The following WASL variants were observed in gnomAD, a reference collection of about 807,000 sequenced individuals.
WASL encodes actin nucleation-promoting factor WASL.
In WASL, 20 loss-of-function variants were observed where a neutral mutation model predicts 55.5. That is an observed-to-expected ratio of 0.36 (90% CI 0.25 to 0.52). WASL has a LOEUF of 0.52. Among genes scored for constraint, WASL ranks in the 20% least tolerant of loss-of-function variants. The probability of loss-of-function intolerance (pLI) is 0.92; values close to 1 mark genes in which losing one functional copy is unlikely to be tolerated. For missense variants in WASL, 504 were observed against 622.5 expected (o/e 0.81, Z 2.03); for synonymous variants, 249 against 217.6 (o/e 1.14, Z -1.27).
intron 1 of WASL, among the ~76,000 whole-genome samples, chr7:123,727,260 A>G (rs140444455): frequency 5.3e-4 from 80 of 152,134 alleles, no homozygotes; most frequent in African/African-American, 1.7e-3. Context: ...CACTTGGAGA[A>G]CTATCTGAAA....
rs367766232 is a variant in WASL at position 123,692,605 on chromosome 7, T to G, written c.1089A>C (p.Pro363=). 1 of 1,602,850 alleles carries G rather than the reference T, an allele frequency of 6.2e-7. No individual in the cohort carries two copies. Among genetic ancestry groups the G allele is most frequent in the Non-Finnish European group, 8.5e-7 (1 of 1,174,368 alleles). Residue 363 remains proline, a synonymous_variant, in exon 9 of 11, where the codon CCA becomes CCC. Coordinates refer to ENST00000223023, the MANE Select transcript of WASL (RefSeq NM_003941.4). ...SAPSGPPPPP[P]SVLGVGPVAP... ...CCACTGGCCCTACCCCCAACACAGA[T>G]GGAGGTGGTGGTGGAGGCCCTGAAG...
intron 5 of WASL, among the ~76,000 whole-genome samples, chr7:123,702,584 A>C (rs1203561844): frequency 1.3e-5 from 2 of 152,214 alleles, no homozygotes; most frequent in Non-Finnish European, 2.9e-5. Flanking sequence ...GGATGGGTCC[A>C]TCTGTTCTGA....
chr7:123,739,876 ATGTGTGTGTGTGTGTGTG>A (rs745649691), intron 1 of WASL, among the ~76,000 whole-genome samples: 6 of 115,530 alleles, frequency 5.2e-5, no homozygotes, highest in African/African-American at 1.6e-4. Context: ...ACATTTATAT[ATGTGTGTGTGTGTGTGTG>A]TGTGTGTGTG....
chr7:123,734,614 A>AT (rs1804196033), intron 1 of WASL, among the ~76,000 whole-genome samples: 2 of 150,388 alleles, frequency 1.3e-5, no homozygotes, highest in Admixed American at 1.3e-4. Flanking sequence ...AAAAAAAAAA[A>AT]TCAGTGAGTG....
chr7:123,707,378 A>G (rs1417936699), intron 2 of WASL, among the ~76,000 whole-genome samples: 1 of 152,212 alleles, frequency 6.6e-6, no homozygotes, highest in South Asian at 2.1e-4. Context: ...ATATACTAGT[A>G]TAAGTAGTAT....
Position 123,706,723 on chromosome 7 carries a change from A to G in WASL, c.339+17T>C. On this transcript the variant is annotated intron_variant, in intron 3 of 10. Coordinates refer to ENST00000223023, the MANE Select transcript of WASL (RefSeq NM_003941.4). ...ATGAAAAAAGTAAAGATGGCAATAA[A>G]GAAAAATATGACTTACATCTCCAGC... 1 of 1,527,872 alleles carries G rather than the reference A, an allele frequency of 6.5e-7. No homozygotes were observed. Among genetic ancestry groups the G allele is most frequent in the South Asian group, 1.2e-5 (1 of 80,872 alleles). 94.6% of individuals were successfully genotyped at this position (1,527,872 alleles called of 1,614,324 possible).
At chr7:123,733,311 G>T (rs927076711) in intron 1 of WASL, among the ~76,000 whole-genome samples, 4 of 152,122 alleles carry the variant, frequency 2.6e-5, no homozygotes, top group African/African-American at 9.7e-5. Flanking sequence ...TATCAAGCAA[G>T]GTTGTAGCAT....
At chr7:123,734,485 T>C (rs1010716209) in intron 1 of WASL, among the ~76,000 whole-genome samples, 3 of 151,084 alleles carry the variant, frequency 2.0e-5, no homozygotes, top group Non-Finnish European at 2.9e-5. Context: ...AACTAAATGC[T>C]GGTGTGAATG....
At chr7:123,694,552 T>G (rs878898136) in intron 8 of WASL, among the ~76,000 whole-genome samples, 163 bp downstream of exon 8, 3 of 152,208 alleles carry the variant, frequency 2.0e-5, no homozygotes, top group Non-Finnish European at 2.9e-5. Context: ...TTAGTTATAA[T>G]GAAATAATGT....
rs1803213394 is a variant in WASL at position 123,682,559 on chromosome 7, T to C, written c.*1960A>G. ...TTATACCAAAGTCAGCTGGAAAATCTAGAATTTCTTGGCCACAAGTTAAGA... is the reference window on the plus strand; with the variant it reads ...TTATACCAAAGTCAGCTGGAAAATCCAGAATTTCTTGGCCACAAGTTAAGA... On this transcript the variant is annotated 3_prime_UTR_variant, in exon 11 of 11. Coordinates refer to ENST00000223023, the MANE Select transcript of WASL (RefSeq NM_003941.4). The C allele has an allele frequency of 6.6e-6, 1 of 152,170 alleles. No homozygotes were observed. The highest frequency in any genetic ancestry group is 6.6e-5 in the Admixed American group (1 of 15,264). The allele number at this position is 152,170 out of a possible 1,614,324, so 9.4% of individuals were successfully genotyped here. A position where few individuals can be genotyped will look rare whatever the true frequency, so the allele number is the denominator to read the frequency against.
intron 2 of WASL, among the ~76,000 whole-genome samples, chr7:123,708,661 T>C (rs1423197690): frequency 1.3e-5 from 2 of 152,150 alleles, no homozygotes; most frequent in African/African-American, 4.8e-5. Flanking sequence ...TTTATAGATA[T>C]TGAAATGTTT....
In WASL at chr7:123,748,899, C is replaced by A; in HGVS notation, c.-165G>T. 1 of 606,208 alleles carries A rather than the reference C, an allele frequency of 1.6e-6. No homozygotes were observed. The highest frequency in any genetic ancestry group is 2.8e-6 in the Non-Finnish European group (1 of 358,194). The allele number at this position is 606,208 out of a possible 1,614,324, so 37.6% of individuals were successfully genotyped here. ...AGGACGAGGTCGAGGGAAGCAGGCGCTGACGGCGAGCCACCTTCGCGCCGC... is the reference window on the plus strand; with the variant it reads ...AGGACGAGGTCGAGGGAAGCAGGCGATGACGGCGAGCCACCTTCGCGCCGC... On this transcript the variant is annotated 5_prime_UTR_variant, in exon 1 of 11. Transcript: ENST00000223023.
chr7:123,702,018 T>A (rs1441354608), intron 5 of WASL, among the ~76,000 whole-genome samples: 1 of 151,926 alleles, frequency 6.6e-6, no homozygotes, highest in Non-Finnish European at 1.5e-5. Context: ...AACTAAAGAT[T>A]TAAAACCAAT....
Position 123,683,882 on chromosome 7 carries a change from C to T in WASL, c.*637G>A, listed in dbSNP as rs1039117962. 1 of 152,022 alleles carries T rather than the reference C, an allele frequency of 6.6e-6. No homozygotes were observed. The highest frequency in any genetic ancestry group is 2.4e-5 in the African/African-American group (1 of 41,432). 9.4% of individuals were successfully genotyped at this position (152,022 alleles called of 1,614,324 possible). On this transcript the variant is annotated 3_prime_UTR_variant, in exon 11 of 11. Coordinates refer to ENST00000223023, the MANE Select transcript of WASL (RefSeq NM_003941.4). ...TTATGATCCCAGTCTGCAAATACCA[C>T]TGCTATACCAATAACAGGCAGTATT...
At chr7:123,716,695 GA>G (rs1242009397) in intron 1 of WASL, among the ~76,000 whole-genome samples, 2 of 152,014 alleles carry the variant, frequency 1.3e-5, no homozygotes, top group Non-Finnish European at 2.9e-5. Context: ...AAGGGGGAGA[GA>G]AAGAGAGATT....
chr7:123,717,052 G>C lies in WASL; in HGVS notation c.118-7829C>G, dbSNP rs566353959. On this transcript the variant is annotated intron_variant, in intron 1 of 10. Coordinates refer to ENST00000223023, the MANE Select transcript of WASL (RefSeq NM_003941.4). ...GCCAGCTAAATGATCCTCCAAGAAG[G>C]ATATATCCTTAATATAGTTTTATTT... is the stretch of plus-strand genomic sequence containing the variant. Among the ~76,000 whole-genome samples, 12 of 152,164 alleles carry C rather than the reference G, an allele frequency of 7.9e-5. No individual in the cohort carries two copies. In the South Asian group the frequency reaches 2.5e-3, roughly 32 times the overall value.
intron 1 of WASL, among the ~76,000 whole-genome samples, chr7:123,745,887 A>G (rs1804422829): frequency 6.6e-6 from 1 of 152,122 alleles, no homozygotes; most frequent in South Asian, 2.1e-4. Context: ...AATATAAATA[A>G]TCAGTTATCC....
chr7:123,729,982 GA>G (rs1804111907), intron 1 of WASL, among the ~76,000 whole-genome samples: 1 of 151,998 alleles, frequency 6.6e-6, no homozygotes, highest in Non-Finnish European at 1.5e-5. Flanking sequence ...TCCAGTGGAA[GA>G]AAAAAGTTAA....
chr7:123,693,495 G>A (rs1166567633), intron 8 of WASL, among the ~76,000 whole-genome samples: 2 of 152,192 alleles, frequency 1.3e-5, no homozygotes, highest in Non-Finnish European at 2.9e-5. Flanking sequence ...TAGGAGGCTG[G>A]TTGCTTTGTT....
Sources: allele counts gnomAD v4.1 joint callset (sites outside exome capture counted in the v4.1 genomes callset), GRCh38; gene constraint gnomAD v4.1.1; transcripts MANE v1.5; gene names NCBI Gene and HGNC (gene_info 2026-07-23, HGNC 2026-07-21).